Variants in SLC23A1 observed in about 807,000 individuals in gnomAD.
The protein encoded by SLC23A1 is Na(+)/L-ascorbic acid transporter 1.
Under a neutral mutation model 62.5 loss-of-function variants are expected in SLC23A1, and 31 were observed. That is an observed-to-expected ratio of 0.50 (90% CI 0.37 to 0.67). The LOEUF is 0.67. SLC23A1 is among the 30% of genes least tolerant of loss of function. The pLI is 0.00. For missense variants in SLC23A1, 640 were observed against 782.7 expected, an observed-to-expected ratio of 0.82 and a Z score of 2.18; for synonymous variants, 271 against 313.2, an observed-to-expected ratio of 0.87 and a Z score of 1.42.
intron 3 of SLC23A1, among the ~76,000 whole-genome samples, 164 bp from the exon 4 acceptor site, chr5:139,381,050 C>T (rs1044151014): frequency 6.6e-6 from 1 of 152,210 alleles, no homozygotes; most frequent in Non-Finnish European, 1.5e-5. Flanking sequence ...CCATCTCTAA[C>T]ATTTTGGCTG....
upstream of SLC23A1, chr5:139,383,299 A>T (rs1758382318): frequency 6.2e-7 from 1 of 1,603,490 alleles, no homozygotes; most frequent in Non-Finnish European, 8.5e-7. Context: ...AGAGGGGATG[A>T]CTTGACAAAG....
intron 14 of SLC23A1, 25 bp from the exon 15 acceptor site, chr5:139,367,656 T>G (rs1222652445): frequency 6.6e-6 from 1 of 152,192 alleles, no homozygotes; most frequent in East Asian, 1.9e-4. Flanking sequence ...AGATGGCAAT[T>G]GTAGAAAAAC....
intron 1 of SLC23A1, 82 bp downstream of exon 1, chr5:139,383,136 C>G (rs12514667): frequency 0.53 from 299,139 of 564,032 alleles, 96,380 homozygotes; most frequent in Non-Finnish European, 0.61. Flanking sequence ...TTATCTCTGG[C>G]CTCCAGGAAG....
Position 139,380,794 on chromosome 5 carries a change from C to T in SLC23A1, c.397+4G>A. The stretch of plus-strand genomic sequence containing the variant: ...CCCAGTGCAGACCCCAGAAGTGTAC[C>T]CACCTTCCGGGGGGCATTTCCATCT... On this transcript the variant is annotated splice_donor_region_variant and intron_variant, in intron 4 of 14. Transcript: ENST00000348729. 1 of 1,554,512 alleles carries T rather than the reference C, an allele frequency of 6.4e-7. No individual in the cohort carries two copies. Among genetic ancestry groups the T allele is most frequent in the Non-Finnish European group, 8.8e-7 (1 of 1,141,324 alleles).
At chr5:139,373,997 C>A (rs780753045) in intron 13 of SLC23A1, among the ~76,000 whole-genome samples, 2 of 152,234 alleles carry the variant, frequency 1.3e-5, no homozygotes, top group African/African-American at 4.8e-5. Flanking sequence ...TCCAAGCCCC[C>A]TCCTTTTTCC....
At position 139,378,463 on chromosome 5, in the gene SLC23A1, C is replaced by CG; in HGVS notation, c.1180-113dup. ...GGCATAAACCGGCTGGGGCTTGATG[C>CG]GGGGGCGAGGCCTCTCAAAGACAGG... is the stretch of plus-strand genomic sequence containing the variant. On this transcript the variant is annotated intron_variant, in intron 10 of 14. Transcript: ENST00000348729. The surrounding 1 kb of genome is among the most constrained non-coding windows in gnomAD (Gnocchi z 4.5). 1 of 1,447,332 alleles carries CG rather than the reference C, an allele frequency of 6.9e-7. No individual in the cohort carries two copies. 89.7% of individuals were successfully genotyped at this position (1,447,332 alleles called of 1,614,324 possible).
At chr5:139,377,883 G>T in intron 12 of SLC23A1, 92 bp downstream of exon 12, 1 of 1,296,848 alleles carries the variant, frequency 7.7e-7, no homozygotes, top group Non-Finnish European at 1.1e-6. Flanking sequence ...TACGATTTGT[G>T]GCTGTAGCTG....
rs947912940 is a variant in SLC23A1, at chr5:139,379,685, G to A, written c.918C>T (p.Pro306=). Residue 306 remains proline, a synonymous_variant, in exon 8 of 15, where the codon CCC becomes CCT. Transcript: ENST00000348729. The surrounding 1 kb of genome is among the most constrained non-coding windows in gnomAD (Gnocchi z 4.7). The part of the protein sequence containing the change: ...IMAIAPWIRI[P]YPCQWGLPTV... ...CCAAGGGGTGTTGCTCACAGGGGTA[G>A]GGGATGCGGATCCAGGGTGCAATAG... 2.5e-6 allele frequency: 4 copies of A among 1,612,330 alleles called. No homozygotes were observed. The African/African-American group carries it at 5.3e-5, about 22-fold the overall frequency.
In SLC23A1 at chr5:139,372,222, C is replaced by G; in HGVS notation, c.1581G>C (p.Trp527Cys). The G allele has an allele frequency of 6.2e-7, 1 of 1,613,818 alleles. No individual in the cohort carries two copies. The highest frequency in any genetic ancestry group is 8.5e-7 in the Non-Finnish European group (1 of 1,179,720). ...CACTGTTGGCATGAGCCCCAGCTTT[C>G]CACTGTATCAGACCACGCTCCTCTG... is the stretch of plus-strand genomic sequence containing the variant. ...GSPEERGLIQWKAGAHANSDM... is the reference protein window; with the variant it reads ...GSPEERGLIQCKAGAHANSDM... Residue 527 changes from tryptophan (W) to cysteine (C), a missense_variant, in exon 14 of 15, where the codon TGG becomes TGC. Physicochemically the swap from Trp to Cys is radical, Grantham distance 215. Transcript: ENST00000348729.
intron 14 of SLC23A1, among the ~76,000 whole-genome samples, chr5:139,370,745 A>C (rs1470240202): frequency 2.6e-5 from 4 of 151,758 alleles, no homozygotes; most frequent in Non-Finnish European, 5.9e-5. Flanking sequence ...CGCCCTTAAG[A>C]GTAAAGATTC....
At position 139,379,715 on chromosome 5, in the gene SLC23A1, G is replaced by A. The variant is rs780812554; in HGVS notation, c.888C>T (p.Ile296=). Residue 296 remains isoleucine (I), a synonymous_variant, in exon 8 of 15, where the codon ATC becomes ATT. Coordinates refer to ENST00000348729, the MANE Select transcript of SLC23A1 (RefSeq NM_005847.5). The surrounding 1 kb of genome is among the most constrained non-coding windows in gnomAD (Gnocchi z 4.7). ...TGCGGATCCAGGGTGCAATAGCCAT[G>A]ATGTCACCACGGGCATCGGTTCGTG... ...FQARTDARGD[I]MAIAPWIRIP... is the part of the protein sequence containing the mutation. 6.2e-7 allele frequency: 1 copy of A among 1,614,058 alleles called. No homozygotes were observed. Among genetic ancestry groups the A allele is most frequent in the Non-Finnish European group, 8.5e-7 (1 of 1,179,984 alleles).
At chr5:139,383,343 C>T, upstream of SLC23A1, 1 of 1,561,732 alleles carries the variant, frequency 6.4e-7, no homozygotes, top group Non-Finnish European at 8.7e-7. Context: ...ACATATCAGG[C>T]ATTGTTTGAA....
At position 139,378,083 on chromosome 5, in the gene SLC23A1, A is replaced by G. The variant is rs1227590693; in HGVS notation, c.1345T>C (p.Phe449Leu). ...ITAVGLSNLQ[F>L]VDMNSSRNLF... ...TTGCGAGAGGAGTTCATGTCCACAAATTGCAGGTTGGACAGCCCCACAGCT... is the reference window on the plus strand; with the variant it reads ...TTGCGAGAGGAGTTCATGTCCACAAGTTGCAGGTTGGACAGCCCCACAGCT... Residue 449 changes from phenylalanine to leucine, a missense_variant, in exon 12 of 15, where the codon TTT becomes CTT. Phe to Leu is a conservative substitution (Grantham distance 22). Transcript: ENST00000348729. This position sits in a 1 kb window ranked among gnomAD's most constrained non-coding sequence, Gnocchi z 4.5. 5.0e-6 allele frequency: 8 copies of G among 1,614,106 alleles called. No homozygotes were observed. In the Admixed American group the frequency reaches 1.2e-4, roughly 24 times the overall value.
Position 139,378,351 on chromosome 5 carries a change from C to A in SLC23A1, c.1180G>T (p.Val394Leu), listed in dbSNP as rs1758054637. Residue 394 changes from valine (V) to leucine (L), a missense_variant and splice_region_variant, in exon 11 of 15, where the codon GTG becomes TTG. By Grantham distance (32) the Val-to-Leu change is conservative. Transcript: ENST00000348729. This position sits in a 1 kb window ranked among gnomAD's most constrained non-coding sequence, Gnocchi z 4.5. ...PNIGVLGITK[V>L]GSRRVVQYGA... ...TACTGCACCACGCGCCGGCTGCCCA[C>A]CTGCCGGGGAGCCAGCGGGGAAGCT... The A allele has an allele frequency of 6.4e-7, 1 of 1,559,966 alleles. No homozygotes were observed. Among genetic ancestry groups the A allele is most frequent in the East Asian group, 2.4e-5 (1 of 41,756 alleles).
chr5:139,380,158 G>A (rs1758169678), intron 6 of SLC23A1, 50 bp downstream of exon 6: 1 of 1,559,570 alleles, frequency 6.4e-7, no homozygotes, highest in Non-Finnish European at 8.7e-7. Flanking sequence ...AGGACATGAA[G>A]AGGGTAGGGT....
intron 13 of SLC23A1, among the ~76,000 whole-genome samples, chr5:139,374,431 C>G (rs182825935): frequency 2.6e-5 from 4 of 152,128 alleles, no homozygotes; most frequent in African/African-American, 9.7e-5. Flanking sequence ...AGCGAGACTC[C>G]GTCTCAAAAA....
In SLC23A1 at chr5:139,378,573, C is replaced by G; in HGVS notation, c.1179+6G>C. Reference sequence around the variant, plus strand: ...GGCAGGATTTGGCTCTGGCTCGTCGCGACACCTTGGTAATTCCCAGGACGC... The same window carrying G: ...GGCAGGATTTGGCTCTGGCTCGTCGGGACACCTTGGTAATTCCCAGGACGC... On this transcript the variant is annotated splice_donor_region_variant and intron_variant, in intron 10 of 14. Transcript: ENST00000348729. The surrounding 1 kb of genome is among the most constrained non-coding windows in gnomAD (Gnocchi z 4.5). 2.5e-6 allele frequency: 4 copies of G among 1,587,680 alleles called. No individual in the cohort carries two copies. Among genetic ancestry groups the G allele is most frequent in the Non-Finnish European group, 3.4e-6 (4 of 1,166,552 alleles).
intron 14 of SLC23A1, chr5:139,368,634 CT>C (rs1212388108): frequency 0.077 from 44,611 of 575,740 alleles, no homozygotes; most frequent in South Asian, 0.11. Context: ...GTTCTTTTGT[CT>C]TTTTTTTTTT....
At position 139,380,103 on chromosome 5, in the gene SLC23A1, T is replaced by G. The variant is rs1247705786; in HGVS notation, c.648-27A>C. Reference sequence around the variant, plus strand: ...TGGGGGCAGAGGCACAATCAGGAAGTGGATGGGAGGCCAGGCTGGGGCCAG... The same window carrying G: ...TGGGGGCAGAGGCACAATCAGGAAGGGGATGGGAGGCCAGGCTGGGGCCAG... On this transcript the variant is annotated intron_variant, in intron 6 of 14. Coordinates refer to ENST00000348729, the MANE Select transcript of SLC23A1 (RefSeq NM_005847.5). The G allele has an allele frequency of 1.9e-6, 3 of 1,594,796 alleles. No individual in the cohort carries two copies. In the East Asian group the frequency reaches 6.8e-5, roughly 36 times the overall value.
Sources: allele counts gnomAD v4.1 joint callset (sites outside exome capture counted in the v4.1 genomes callset), GRCh38; gene constraint gnomAD v4.1.1; non-coding constraint Gnocchi (gnomAD v3.1); transcripts MANE v1.5; gene names NCBI Gene and HGNC (gene_info 2026-07-23, HGNC 2026-07-21).